Variants in CAMKMT observed in about 807,000 individuals in gnomAD.
CAMKMT encodes calmodulin-lysine N-methyltransferase, also known as CaM KMT.
A neutral mutation model predicts 48.0 loss-of-function variants in CAMKMT; 53 were observed. The observed-to-expected ratio is 1.10, with a 90% CI of 0.89 to 1.39. The LOEUF (loss-of-function observed/expected upper bound fraction) is 1.39, where lower values mean the gene tolerates loss of function less well. Ranked by LOEUF, CAMKMT falls within the 40% of genes most tolerant of loss-of-function variation. The pLI, the probability that CAMKMT is intolerant of heterozygous loss-of-function variation, is 0.00. For synonymous variants in CAMKMT, 165 were observed against 152.3 expected (o/e 1.08, Z -0.61); for missense variants, 428 against 402.7 (o/e 1.06, Z -0.54).
intron 3 of CAMKMT, among the ~76,000 whole-genome samples, chr2:44,674,716 C>T (rs1278212276): frequency 6.6e-6 from 1 of 152,194 alleles, no homozygotes; most frequent in African/African-American, 2.4e-5. Context: ...GTTTGAAATG[C>T]TAACAAAGCA....
chr2:44,583,864 G>A (rs1669705791), intron 3 of CAMKMT, among the ~76,000 whole-genome samples: 1 of 152,136 alleles, frequency 6.6e-6, no homozygotes, highest in African/African-American at 2.4e-5. Context: ...CATTGCAAGT[G>A]TACATTTCAA....
chr2:44,463,259 A>G (rs576432449), intron 3 of CAMKMT, among the ~76,000 whole-genome samples: 1 of 152,366 alleles, frequency 6.6e-6, no homozygotes, highest in Non-Finnish European at 1.5e-5. Context: ...TCCCACAAAG[A>G]CACTGACTTA....
chr2:44,566,303 G>T (rs1330207312), intron 3 of CAMKMT, among the ~76,000 whole-genome samples: 1 of 152,146 alleles, frequency 6.6e-6, no homozygotes, highest in Non-Finnish European at 1.5e-5. Flanking sequence ...TGACATATGG[G>T]TCTTATTCCT....
Position 44,757,315 on chromosome 2 carries a change from T to C in CAMKMT, c.762+3197T>C, listed in dbSNP as rs548936523. On this transcript the variant is annotated intron_variant, in intron 9 of 10. Coordinates refer to ENST00000378494, the MANE Select transcript of CAMKMT (RefSeq NM_024766.5). ...GGAAAATGAGGGAGTTCACCTGTGC[T>C]CTCATAGAGTTCTATCAGCTCTGAA... Among the ~76,000 whole-genome samples, 4 of 152,202 alleles carry C rather than the reference T, an allele frequency of 2.6e-5. No individual in the cohort carries two copies. In the South Asian group the frequency reaches 6.2e-4, roughly 24 times the overall value.
At chr2:44,571,771 C>T (rs898300037) in intron 3 of CAMKMT, among the ~76,000 whole-genome samples, 5 of 151,738 alleles carry the variant, frequency 3.3e-5, no homozygotes, top group African/African-American at 7.3e-5. Flanking sequence ...CTAGGGAGTT[C>T]GAGACCAGCC....
At chr2:44,638,446 TA>T (rs369986096) in intron 3 of CAMKMT, among the ~76,000 whole-genome samples, 4 of 152,152 alleles carry the variant, frequency 2.6e-5, no homozygotes, top group African/African-American at 9.7e-5. Context: ...TAGAGTGTCA[TA>T]AAAAATTACC....
rs1402215283 is a variant in CAMKMT at position 44,541,167 on chromosome 2, T to G, written c.376+150862T>G. Among the ~76,000 whole-genome samples, 7 of 152,214 alleles carry G rather than the reference T, an allele frequency of 4.6e-5. No homozygotes were observed. In the East Asian group the frequency reaches 1.3e-3, roughly 29 times the overall value. On this transcript the variant is annotated intron_variant, in intron 3 of 10. Transcript: ENST00000378494. Reference sequence around the variant, plus strand: ...CCATCTCATAGGTTTTCATTATCAGTATTTTCCTGACTAAACTTGCATGTT... The same window carrying G: ...CCATCTCATAGGTTTTCATTATCAGGATTTTCCTGACTAAACTTGCATGTT...
intron 3 of CAMKMT, among the ~76,000 whole-genome samples, chr2:44,504,769 T>G (rs1285254486): frequency 6.6e-6 from 1 of 152,268 alleles, no homozygotes; most frequent in Admixed American, 6.5e-5. Flanking sequence ...TATCCTTTTT[T>G]GTGAAATACC....
intron 3 of CAMKMT, among the ~76,000 whole-genome samples, chr2:44,564,397 A>T (rs932037527): frequency 7.9e-5 from 12 of 151,036 alleles, no homozygotes; most frequent in African/African-American, 2.9e-4. Context: ...TTAGTCTCAA[A>T]CTCCTGACCT....
intron 3 of CAMKMT, among the ~76,000 whole-genome samples, chr2:44,516,827 C>T (rs1379145500): frequency 6.6e-6 from 1 of 150,940 alleles, no homozygotes; most frequent in Admixed American, 6.6e-5. Flanking sequence ...TTGCAACACC[C>T]GCCTCCTGGT....
chr2:44,727,054 G>T (rs1305748827), intron 7 of CAMKMT, among the ~76,000 whole-genome samples: 3 of 152,148 alleles, frequency 2.0e-5, no homozygotes, highest in African/African-American at 7.2e-5. Context: ...GTAGTGTGGT[G>T]CCTCTGGCTT....
intron 1 of CAMKMT, among the ~76,000 whole-genome samples, chr2:44,363,607 C>G (rs1214806143): frequency 1.3e-5 from 2 of 151,532 alleles, no homozygotes; most frequent in Non-Finnish European, 2.9e-5. Context: ...CTCGAACTCC[C>G]CACCTCAGGT....
intron 3 of CAMKMT, among the ~76,000 whole-genome samples, chr2:44,696,179 G>C (rs1676940534): frequency 6.6e-6 from 1 of 152,168 alleles, no homozygotes; most frequent in African/African-American, 2.4e-5. Flanking sequence ...CTGACCTTAA[G>C]TGATCTGCCC....
At chr2:44,372,960 A>T (rs1679332862) in intron 2 of CAMKMT, 72 bp downstream of exon 2, 3 of 1,331,298 alleles carry the variant, frequency 2.3e-6, no homozygotes, top group Admixed American at 2.2e-5. Flanking sequence ...TCTAATAAGA[A>T]TCATCATTAT....
chr2:44,456,614 C>T, intron 3 of CAMKMT: 1 of 1,548,344 alleles, frequency 6.5e-7, no homozygotes, highest in Non-Finnish European at 8.7e-7. Flanking sequence ...AGTAGTAACT[C>T]TTCCTTTTTT....
rs35422115 is a variant in CAMKMT, at chr2:44,768,342, G to GATATATATATAT, written c.894+1790_894+1801dup. ...ATAAAAGGTATAAACGGGCGCCCAT[G>GATATATATATAT]ATATATATATATATATATATTTTTT... On this transcript the variant is annotated intron_variant, in intron 10 of 10. Coordinates refer to ENST00000378494, the MANE Select transcript of CAMKMT (RefSeq NM_024766.5). 3.8e-3 allele frequency among the ~76,000 whole-genome samples: 420 copies of GATATATATATAT among 111,366 alleles called. 5 individuals are homozygous for GATATATATATAT. Among genetic ancestry groups the GATATATATATAT allele is most frequent in the African/African-American group, 0.011 (299 of 27,256 alleles). The allele number at this position is 111,366 out of a possible 152,430, so 73.1% of individuals were successfully genotyped here. A position where few individuals can be genotyped will look rare whatever the true frequency, so the allele number is the denominator to read the frequency against.
At chr2:44,609,070 T>C (rs1671456512) in intron 3 of CAMKMT, among the ~76,000 whole-genome samples, 1 of 152,236 alleles carries the variant, frequency 6.6e-6, no homozygotes. Context: ...CATGAAAAGA[T>C]TGCTTTTCCA....
At chr2:44,427,704 T>C (rs1684366966) in intron 3 of CAMKMT, among the ~76,000 whole-genome samples, 1 of 152,158 alleles carries the variant, frequency 6.6e-6, no homozygotes. Flanking sequence ...AAATGTAAAT[T>C]AACATGGAGC....
chr2:44,577,740 C>T (rs1236280163), intron 3 of CAMKMT, among the ~76,000 whole-genome samples: 7 of 151,828 alleles, frequency 4.6e-5, no homozygotes, highest in South Asian at 2.1e-4. Flanking sequence ...TTCCTTTGGA[C>T]GAGATCCTCC....
Sources: gnomAD v4.1 joint callset for allele counts (sites outside exome capture counted in the v4.1 genomes callset) on GRCh38, gnomAD v4.1.1 for gene constraint, MANE v1.5 for transcripts, NCBI Gene and HGNC (gene_info 2026-07-23, HGNC 2026-07-21) for gene names.